The following UNC5A variants were observed in gnomAD, a reference collection of about 807,000 sequenced individuals.
The protein encoded by UNC5A is unc-5 netrin receptor A.
UNC5A carries 20 observed loss-of-function variants against 87.4 expected under a neutral mutation model. That is an observed-to-expected ratio of 0.23 (90% CI 0.16 to 0.33). The LOEUF (loss-of-function observed/expected upper bound fraction) is 0.33, where lower values mean the gene tolerates loss of function less well. UNC5A is among the 10% of genes least tolerant of loss of function. UNC5A has a pLI of 1.00. For missense variants in UNC5A, 844 were observed against 1,133.4 expected (o/e 0.74, Z 3.67); for synonymous variants, 438 against 482.3 (o/e 0.91, Z 1.20).
In UNC5A at chr5:176,812,027, G is replaced by A. The variant is rs186638757; in HGVS notation, c.70+1207G>A. Among the ~76,000 whole-genome samples the A allele has an allele frequency of 9.9e-5, 15 of 152,084 alleles. No homozygotes were observed. In the East Asian group the frequency reaches 2.1e-3, roughly 22 times the overall value. On this transcript the variant is annotated intron_variant, in intron 1 of 14. Coordinates refer to ENST00000329542, the MANE Select transcript of UNC5A (RefSeq NM_133369.3). ...ATCCTGCACCCACCACTGCCTGACC[G>A]CCCGCCCCATCCTGCCTCCTCAGTA...
intron 1 of UNC5A, among the ~76,000 whole-genome samples, chr5:176,850,343 C>A (rs748619858): frequency 6.6e-6 from 1 of 152,008 alleles, no homozygotes; most frequent in East Asian, 1.9e-4. Context: ...AGTGTGAGAT[C>A]GGATTCTCTT....
intron 1 of UNC5A, among the ~76,000 whole-genome samples, chr5:176,830,583 C>CGT (rs1561644034): frequency 3.6e-5 from 3 of 82,810 alleles, no homozygotes; most frequent in Non-Finnish European, 2.4e-5. Context: ...TGTGTGTGCG[C>CGT]GTGCTGGTGT....
intron 1 of UNC5A, among the ~76,000 whole-genome samples, chr5:176,847,694 G>A (rs1019310596): frequency 6.6e-6 from 1 of 151,540 alleles, no homozygotes; most frequent in African/African-American, 2.4e-5. Context: ...CCCACACAGA[G>A]AGACTCGGGG....
At chr5:176,856,907 T>A (rs1247818180) in intron 1 of UNC5A, among the ~76,000 whole-genome samples, 2 of 152,192 alleles carry the variant, frequency 1.3e-5, no homozygotes, top group African/African-American at 2.4e-5. Context: ...CCCTGCTTCC[T>A]GTCTGACCAA....
chr5:176,814,024 T>C lies in UNC5A; in HGVS notation c.70+3204T>C, dbSNP rs1220722681. 5.9e-5 allele frequency among the ~76,000 whole-genome samples: 9 copies of C among 152,162 alleles called. No individual in the cohort carries two copies. In the East Asian group the frequency reaches 1.7e-3, roughly 29 times the overall value. On this transcript the variant is annotated intron_variant, in intron 1 of 14. Transcript: ENST00000329542. ...GTCTCCCTTGCTTCTCCCTTCTCTC[T>C]CACGCTTCACATCTAATATGTCACC...
At chr5:176,863,157 T>A (rs1561661846) in intron 2 of UNC5A, among the ~76,000 whole-genome samples, 1 of 152,210 alleles carries the variant, frequency 6.6e-6, no homozygotes, top group Non-Finnish European at 1.5e-5. Context: ...GGAGCCCAAG[T>A]TCCCACAGAG....
In UNC5A at chr5:176,873,993, C is replaced by CCT; in HGVS notation, c.915_916dup (p.Tyr306SerfsTer138). 6.2e-7 allele frequency: 1 copy of CCT among 1,613,836 alleles called. No homozygotes were observed. On this transcript the variant is annotated frameshift_variant, in exon 7 of 15. Coordinates refer to ENST00000329542, the MANE Select transcript of UNC5A (RefSeq NM_133369.3). LOFTEE classifies it high-confidence loss of function. ...CTGCTTCTGGCCCTGAGGACGTGGC[C>CCT]CTCTATGTGGGCCTCATCGCCGTGG...
In UNC5A at chr5:176,838,446, TAAC is replaced by T. The variant is rs1215452266; in HGVS notation, c.71-24175_71-24173del. 6.6e-5 allele frequency among the ~76,000 whole-genome samples: 10 copies of T among 152,378 alleles called. No individual in the cohort carries two copies. In the East Asian group the frequency reaches 1.9e-3, roughly 29 times the overall value. On this transcript the variant is annotated intron_variant, in intron 1 of 14. Coordinates refer to ENST00000329542, the MANE Select transcript of UNC5A (RefSeq NM_133369.3). This position sits in a 1 kb window ranked among gnomAD's most constrained non-coding sequence, Gnocchi z 4.2. The stretch of plus-strand genomic sequence containing the variant: ...ACTCCAGCCAAACTGGATTCTCAGT[TAAC>T]AATCTTTTGGTTGCAGTATGAAAGA...
Position 176,865,671 on chromosome 5 carries a change from C to T in UNC5A, c.293-2459C>T, listed in dbSNP as rs1245342617. ...GGCAGATACCACGGCAGTGGCGCCACGCCGCCAAAGACCAAAGACCCCAAA... is the reference window on the plus strand; with the variant it reads ...GGCAGATACCACGGCAGTGGCGCCATGCCGCCAAAGACCAAAGACCCCAAA... On this transcript the variant is annotated intron_variant, in intron 2 of 14. Coordinates refer to ENST00000329542, the MANE Select transcript of UNC5A (RefSeq NM_133369.3). The surrounding 1 kb of genome is among the most constrained non-coding windows in gnomAD (Gnocchi z 5.3). The T allele has an allele frequency of 1.5e-5, 7 of 456,574 alleles. No homozygotes were observed. The highest frequency in any genetic ancestry group is 2.6e-5 in the Non-Finnish European group (6 of 227,004). 28.3% of individuals were successfully genotyped at this position (456,574 alleles called of 1,614,324 possible).
chr5:176,870,837 C>T (rs368917539), intron 6 of UNC5A, among the ~76,000 whole-genome samples: 4 of 151,078 alleles, frequency 2.6e-5, no homozygotes, highest in East Asian at 3.9e-4. Flanking sequence ...CACAGCTTCA[C>T]ATCTGCCCAC....
At chr5:176,833,999 C>T (rs558096639) in intron 1 of UNC5A, among the ~76,000 whole-genome samples, 2 of 151,734 alleles carry the variant, frequency 1.3e-5, no homozygotes, top group African/African-American at 4.8e-5. Flanking sequence ...CCACCGCACC[C>T]GGCCCAGTCA....
At chr5:176,858,722 AGAAGGAAG>A (rs397968461) in intron 1 of UNC5A, among the ~76,000 whole-genome samples, 2 of 49,812 alleles carry the variant, frequency 4.0e-5, no homozygotes, top group East Asian at 6.7e-4. Context: ...AGAGAGAGAG[AGAAGGAAG>A]GAAGGAAGGA....
At chr5:176,877,376 C>A in intron 9 of UNC5A, 97 bp downstream of exon 9, 1 of 1,378,134 alleles carries the variant, frequency 7.3e-7, no homozygotes, top group Non-Finnish European at 9.9e-7. Flanking sequence ...GTGCCTGGCC[C>A]GAGGCGGCGG....
intron 1 of UNC5A, among the ~76,000 whole-genome samples, chr5:176,843,825 G>A (rs544096481): frequency 7.2e-5 from 11 of 152,340 alleles, no homozygotes; most frequent in East Asian, 3.9e-4. Flanking sequence ...GTGATGGGCC[G>A]TCTTGCCCAG....
intron 8 of UNC5A, among the ~76,000 whole-genome samples, chr5:176,876,071 G>C (rs935447589): frequency 1.3e-5 from 2 of 152,234 alleles, no homozygotes; most frequent in Middle Eastern, 3.2e-3. Context: ...TGGTTGACTT[G>C]TCCTTCTCCC....
chr5:176,869,790 G>A lies in UNC5A; in HGVS notation c.722-580G>A, dbSNP rs368572314. 14 of 586,352 alleles carry A rather than the reference G, an allele frequency of 2.4e-5. No individual in the cohort carries two copies. The highest frequency in any genetic ancestry group is 1.3e-4 in the South Asian group (7 of 52,568). The allele number at this position is 586,352 out of a possible 1,614,324, so 36.3% of individuals were successfully genotyped here. On this transcript the variant is annotated intron_variant, in intron 5 of 14. Transcript: ENST00000329542. This position sits in a 1 kb window ranked among gnomAD's most constrained non-coding sequence, Gnocchi z 9.1. ...CGCCACCCTGTGCCCAGGTACCAGC[G>A]GCCACCGCCTCCCGCATCGTTCCTC...
intron 1 of UNC5A, among the ~76,000 whole-genome samples, chr5:176,823,846 C>T (rs1198195249): frequency 2.6e-5 from 4 of 152,148 alleles, no homozygotes; most frequent in Non-Finnish European, 4.4e-5. Flanking sequence ...GCTTTCTGGA[C>T]GGATGGCTCC....
intron 1 of UNC5A, among the ~76,000 whole-genome samples, chr5:176,861,387 G>A (rs959127115): frequency 2.0e-5 from 3 of 152,180 alleles, no homozygotes; most frequent in African/African-American, 4.8e-5. Flanking sequence ...CTGAACCCTC[G>A]GTCCGAGCCT....
intron 2 of UNC5A, among the ~76,000 whole-genome samples, chr5:176,867,165 C>T (rs912528267): frequency 4.6e-5 from 7 of 152,270 alleles, no homozygotes; most frequent in Non-Finnish European, 8.8e-5. Context: ...GCCAATGACC[C>T]GAGGGAAATT....
Sources: allele counts gnomAD v4.1 joint callset (sites outside exome capture counted in the v4.1 genomes callset), GRCh38; gene constraint gnomAD v4.1.1; non-coding constraint Gnocchi (gnomAD v3.1); transcripts MANE v1.5; gene names NCBI Gene and HGNC (gene_info 2026-07-23, HGNC 2026-07-21).